The following ZBTB20 variants were observed in gnomAD, a reference collection of about 807,000 sequenced individuals.
ZBTB20 encodes zinc finger and BTB domain containing 20.
Under a neutral mutation model 56.9 loss-of-function variants are expected in ZBTB20, and 9 were observed. The ratio of observed to expected loss-of-function variants is 0.16; its 90% CI spans 0.10 to 0.28. ZBTB20 has a LOEUF of 0.28. ZBTB20 is among the 10% of genes least tolerant of loss of function. The probability of loss-of-function intolerance (pLI) is 1.00; values close to 1 mark genes in which losing one functional copy is unlikely to be tolerated. For missense variants in ZBTB20, 655 were observed against 1,003.0 expected, an observed-to-expected ratio of 0.65 and a Z score of 4.69; for synonymous variants, 417 against 420.7, an observed-to-expected ratio of 0.99 and a Z score of 0.11.
At chr3:114,942,957 T>C (rs1340418854) in intron 3 of ZBTB20, among the ~76,000 whole-genome samples, 1 of 145,288 alleles carries the variant, frequency 6.9e-6, no homozygotes, top group Non-Finnish European at 1.5e-5. Context: ...GCCTGTATTC[T>C]TTTTCCACTT....
chr3:114,400,693 T>C (rs1256061322), intron 7 of ZBTB20, among the ~76,000 whole-genome samples: 1 of 152,090 alleles, frequency 6.6e-6, no homozygotes, highest in African/African-American at 2.4e-5. Context: ...TCTGAAACAC[T>C]GGGGGACCCT....
chr3:114,937,578 C>A (rs2076584051), intron 3 of ZBTB20, among the ~76,000 whole-genome samples: 1 of 151,870 alleles, frequency 6.6e-6, no homozygotes, highest in South Asian at 2.1e-4. Context: ...CATCCTACCA[C>A]ATCCTGTTAA....
At chr3:114,717,872 C>A (rs1465532684) in intron 5 of ZBTB20, among the ~76,000 whole-genome samples, 1 of 152,086 alleles carries the variant, frequency 6.6e-6, no homozygotes, top group African/African-American at 2.4e-5. Flanking sequence ...TTTTCCTCCT[C>A]GAAACTGTAA....
intron 10 of ZBTB20, among the ~76,000 whole-genome samples, chr3:114,374,684 A>G (rs1391901493): frequency 6.6e-6 from 1 of 152,238 alleles, no homozygotes; most frequent in Non-Finnish European, 1.5e-5. Flanking sequence ...CAGTTAGTTT[A>G]GACACATCTG....
chr3:115,080,913 T>C (rs558572879), intron 1 of ZBTB20, among the ~76,000 whole-genome samples: 2 of 152,234 alleles, frequency 1.3e-5, no homozygotes, highest in East Asian at 3.9e-4. Flanking sequence ...AAACAAGTTA[T>C]AAAGCTTCTA....
In ZBTB20 at chr3:114,449,708, C is replaced by T. The variant is rs184205644; in HGVS notation, c.-255+50644G>A. On this transcript the variant is annotated intron_variant, in intron 7 of 11. Transcript: ENST00000675478. ...TAAAAAAAAAAAAAAAAAAAGGTTG[C>T]ACAAAAGATACATGTGTTCCTTTTC... 9.5e-3 allele frequency among the ~76,000 whole-genome samples: 1,406 copies of T among 147,296 alleles called. 18 individuals are homozygous for T. The highest frequency in any genetic ancestry group is 0.015 in the Non-Finnish European group (976 of 66,708).
At chr3:114,670,437 A>T (rs1026943838) in intron 6 of ZBTB20, among the ~76,000 whole-genome samples, 3 of 152,052 alleles carry the variant, frequency 2.0e-5, no homozygotes, top group African/African-American at 7.2e-5. Flanking sequence ...TCTCCATTTA[A>T]ATTTCTAGAT....
intron 6 of ZBTB20, among the ~76,000 whole-genome samples, chr3:114,578,616 C>A (rs924373523): frequency 1.3e-5 from 2 of 151,758 alleles, no homozygotes; most frequent in Non-Finnish European, 3.0e-5. Context: ...TGATAGATTT[C>A]TCTTAATTAA....
intron 10 of ZBTB20, among the ~76,000 whole-genome samples, chr3:114,355,108 G>C (rs1474116048): frequency 6.6e-6 from 1 of 152,120 alleles, no homozygotes; most frequent in African/African-American, 2.4e-5. Context: ...AAAAAAGAAA[G>C]ACACTGAAAG....
At chr3:114,971,550 G>T (rs2077884400) in intron 3 of ZBTB20, among the ~76,000 whole-genome samples, 1 of 152,192 alleles carries the variant, frequency 6.6e-6, no homozygotes, top group Non-Finnish European at 1.5e-5. Context: ...TAGTTTATAT[G>T]CAGAAGTAAA....
Position 114,338,710 on chromosome 3 carries a change from A to T in ZBTB20, c.*295T>A. 3.8e-6 allele frequency: 1 copy of T among 260,688 alleles called. No homozygotes were observed. Among genetic ancestry groups the T allele is most frequent in the Non-Finnish European group, 7.1e-6 (1 of 140,226 alleles). The allele number at this position is 260,688 out of a possible 1,614,324, so 16.1% of individuals were successfully genotyped here. ...TTTTTTGTAAAGAAGGGTTGTATTT[A>T]GAGGCCAGTAGCTAGAGATCCAACC... On this transcript the variant is annotated 3_prime_UTR_variant, in exon 12 of 12. Coordinates refer to ENST00000675478, the MANE Select transcript of ZBTB20 (RefSeq NM_001348800.3).
intron 1 of ZBTB20, among the ~76,000 whole-genome samples, chr3:115,107,737 A>G (rs2083764143): frequency 6.6e-6 from 1 of 152,252 alleles, no homozygotes; most frequent in Non-Finnish European, 1.5e-5. Flanking sequence ...ACATGGAACC[A>G]ACCAAAATGC....
chr3:114,572,306 A>G (rs186076323), intron 6 of ZBTB20, among the ~76,000 whole-genome samples: 24 of 152,356 alleles, frequency 1.6e-4, no homozygotes, highest in Admixed American at 1.6e-3. Context: ...TGCTAGTAAG[A>G]TAGATTATGG....
At chr3:114,802,350 A>G (rs1326022523) in intron 4 of ZBTB20, among the ~76,000 whole-genome samples, 3 of 151,838 alleles carry the variant, frequency 2.0e-5, no homozygotes, top group Non-Finnish European at 4.4e-5. Flanking sequence ...CTTACTTGGG[A>G]TTCCTGTTTT....
At chr3:114,549,397 T>A (rs1222040073) in intron 6 of ZBTB20, among the ~76,000 whole-genome samples, 1 of 152,222 alleles carries the variant, frequency 6.6e-6, no homozygotes, top group Non-Finnish European at 1.5e-5. Context: ...ATTAAGATAT[T>A]ATCAAAGTAA....
intron 7 of ZBTB20, among the ~76,000 whole-genome samples, chr3:114,477,161 G>A (rs2040874962): frequency 6.6e-6 from 1 of 152,128 alleles, no homozygotes; most frequent in Non-Finnish European, 1.5e-5. Context: ...AAACATACCT[G>A]AAATAACATG....
At chr3:114,376,675 A>G (rs1192417310) in intron 10 of ZBTB20, among the ~76,000 whole-genome samples, 1 of 152,194 alleles carries the variant, frequency 6.6e-6, no homozygotes, top group Non-Finnish European at 1.5e-5. Context: ...CACCCACACA[A>G]CAGTTTGGAA....
At chr3:114,368,586 C>T (rs2082670966) in intron 10 of ZBTB20, among the ~76,000 whole-genome samples, 1 of 152,160 alleles carries the variant, frequency 6.6e-6, no homozygotes, top group African/African-American at 2.4e-5. Context: ...AGTTCTCTGA[C>T]CCTAATGTAA....
Position 114,585,316 on chromosome 3 carries a change from A to G in ZBTB20, c.-294-84925T>C, listed in dbSNP as rs539242768. ...AGAGCATGGGTCTGATTAGGTTTAG[A>G]TAACTCCAGATATTATGCTGAGTGA... On this transcript the variant is annotated intron_variant, in intron 6 of 11. Transcript: ENST00000675478. Among the ~76,000 whole-genome samples, 14 of 152,286 alleles carry G rather than the reference A, an allele frequency of 9.2e-5. No homozygotes were observed. The South Asian group carries it at 2.5e-3, about 27-fold the overall frequency.
Sources: gnomAD v4.1 joint callset for allele counts (sites outside exome capture counted in the v4.1 genomes callset) on GRCh38, gnomAD v4.1.1 for gene constraint, MANE v1.5 for transcripts, NCBI Gene and HGNC (gene_info 2026-07-23, HGNC 2026-07-21) for gene names.